The following ATRX variants were observed in gnomAD, a reference collection of about 807,000 sequenced individuals.
ATRX encodes the protein ATRX chromatin remodeler.
In ATRX, 12 loss-of-function variants were observed where a neutral mutation model predicts 172.6. The observed-to-expected ratio is 0.07, with a 90% confidence interval of 0.04 to 0.11. ATRX has a LOEUF of 0.11. Ranked by LOEUF, ATRX falls within the 10% of genes least tolerant of loss-of-function variation. ATRX has a pLI of 1.00. For synonymous variants in ATRX, 674 were observed against 594.7 expected, an observed-to-expected ratio of 1.13 and a Z score of -1.94; for missense variants, 1,368 against 1,767.4, an observed-to-expected ratio of 0.77 and a Z score of 4.05.
chrX:77,532,102 G>A (rs1436650674), intron 30 of ATRX, among the ~76,000 whole-genome samples: 2 of 111,125 alleles, frequency 1.8e-5, no homozygotes, highest in Admixed American at 9.6e-5. Context: ...TCTTCAAGGA[G>A]AACAACAAAC....
intron 19 of ATRX, among the ~76,000 whole-genome samples, chrX:77,623,173 CAAGAA>C (rs1348768946): frequency 9.0e-6 from 1 of 110,858 alleles, no homozygotes; most frequent in African/African-American, 3.3e-5. Flanking sequence ...CAAGATTAAC[CAAGAA>C]AAGAAGAGAG....
At chrX:77,669,613 C>T (rs900931531) in intron 10 of ATRX, among the ~76,000 whole-genome samples, 9 of 110,359 alleles carry the variant, frequency 8.2e-5, no homozygotes, top group Middle Eastern at 4.3e-3. Context: ...CATGAGCCAC[C>T]GCGCTGACCC....
intron 15 of ATRX, among the ~76,000 whole-genome samples, chrX:77,645,428 T>C (rs1428342699): frequency 8.9e-6 from 1 of 111,862 alleles, no homozygotes; most frequent in Non-Finnish European, 1.9e-5. Flanking sequence ...GGTGAGCTAC[T>C]GTGCCAGGCA....
At chrX:77,691,538 G>A (rs45563242) in intron 6 of ATRX, among the ~76,000 whole-genome samples, 1 of 111,372 alleles carries the variant, frequency 9.0e-6, no homozygotes, top group Admixed American at 9.6e-5. Context: ...GGAAGAGAAT[G>A]TCAAAATAGG....
At chrX:77,533,760 T>TA (rs1312668107) in intron 30 of ATRX, among the ~76,000 whole-genome samples, 2 of 111,606 alleles carry the variant, frequency 1.8e-5, no homozygotes, top group Non-Finnish European at 3.8e-5. Flanking sequence ...GCTGCACATG[T>TA]ATTCTGGAAC....
intron 16 of ATRX, among the ~76,000 whole-genome samples, chrX:77,635,493 CT>C (rs1247708798): frequency 2.7e-5 from 3 of 111,439 alleles, no homozygotes; most frequent in Non-Finnish European, 5.6e-5. Context: ...CAGAACCTCC[CT>C]TATGATTAAT....
At chrX:77,732,241 C>T (rs1266557721) in intron 1 of ATRX, among the ~76,000 whole-genome samples, 7 of 111,386 alleles carry the variant, frequency 6.3e-5, no homozygotes, top group Non-Finnish European at 1.1e-4. Context: ...GTGTCAGTGC[C>T]CCCACCAGCT....
intron 15 of ATRX, among the ~76,000 whole-genome samples, chrX:77,647,036 C>CA (rs782626218): frequency 7.2e-5 from 8 of 110,467 alleles, no homozygotes; most frequent in Non-Finnish European, 1.3e-4. Flanking sequence ...ACCATATAAT[C>CA]AGGCACAAAA....
intron 32 of ATRX, 128 bp downstream of exon 32, chrX:77,522,135 A>C: frequency 1.0e-6 from 1 of 976,972 alleles, no homozygotes; most frequent in East Asian, 3.1e-5. Context: ...ATAAAACAAA[A>C]ATTTATTCGT....
At chrX:77,521,382 G>C (rs1557041306) in intron 33 of ATRX, 21 bp downstream of exon 33, 6 of 1,166,001 alleles carry the variant, frequency 5.1e-6, no homozygotes, top group Middle Eastern at 2.4e-4. Flanking sequence ...GTTGGAATAA[G>C]ACAATTGCCA....
At chrX:77,586,842 T>G (rs1157800195) in intron 27 of ATRX, among the ~76,000 whole-genome samples, 1 of 111,261 alleles carries the variant, frequency 9.0e-6, no homozygotes, top group Non-Finnish European at 1.9e-5. Context: ...GTGGATCACT[T>G]GAGGCCAGGA....
At chrX:77,624,327 A>G (rs1199193055) in intron 19 of ATRX, among the ~76,000 whole-genome samples, 5 of 111,378 alleles carry the variant, frequency 4.5e-5, no homozygotes, top group Non-Finnish European at 9.4e-5. Context: ...AGATCGCACC[A>G]CTGCACTCCA....
chrX:77,607,169 C>A (rs2066944257), intron 22 of ATRX, among the ~76,000 whole-genome samples: 1 of 110,829 alleles, frequency 9.0e-6, no homozygotes, highest in Admixed American at 9.6e-5. Flanking sequence ...AAAGCGCATA[C>A]AAATGGGAAA....
chrX:77,654,952 G>T (rs910289223), intron 13 of ATRX, among the ~76,000 whole-genome samples: 22 of 111,574 alleles, frequency 2.0e-4, no homozygotes, highest in Non-Finnish European at 3.8e-4. Flanking sequence ...GGAACATTAA[G>T]TCTTTAAAAG....
At chrX:77,555,051 T>G (rs1272526244) in intron 30 of ATRX, among the ~76,000 whole-genome samples, 2 of 111,973 alleles carry the variant, frequency 1.8e-5, no homozygotes, top group Non-Finnish European at 3.8e-5. Flanking sequence ...GATCAGAGTG[T>G]TCATTGCCTG....
At chrX:77,572,192 T>A (rs1043884021) in intron 28 of ATRX, among the ~76,000 whole-genome samples, 2 of 111,174 alleles carry the variant, frequency 1.8e-5, no homozygotes, top group African/African-American at 6.5e-5. Context: ...ATAATATACA[T>A]GTACAGGTTG....
Position 77,634,842 on chromosome X carries a change from A to C in ATRX, c.4700-139T>G, listed in dbSNP as rs1318293330. On this transcript the variant is annotated intron_variant, in intron 16 of 34. Coordinates refer to ENST00000373344, the MANE Select transcript of ATRX (RefSeq NM_000489.6). ...CTTAGCTAAATAATTTCTTACATCT[A>C]AATGGGATTTTTTCCCACCAAACTA... The C allele has an allele frequency of 9.3e-6, 5 of 536,718 alleles. No individual in the cohort carries two copies. In the Admixed American group the frequency reaches 1.6e-4, roughly 17 times the overall value. The allele number at this position is 536,718 out of a possible 1,213,427, so 44.2% of individuals were successfully genotyped here.
At chrX:77,545,444 C>T (rs1460719022) in intron 30 of ATRX, among the ~76,000 whole-genome samples, 1 of 110,133 alleles carries the variant, frequency 9.1e-6, no homozygotes, top group Non-Finnish European at 1.9e-5. Flanking sequence ...GTTACTGAAA[C>T]AGATGAAATA....
chrX:77,749,302 T>C (rs1300296139), intron 1 of ATRX, among the ~76,000 whole-genome samples: 1 of 111,174 alleles, frequency 9.0e-6, no homozygotes, highest in Admixed American at 9.7e-5. Context: ...TGTGGCTGAA[T>C]AGTATTATTC....
Sources: gnomAD v4.1 joint callset for allele counts (sites outside exome capture counted in the v4.1 genomes callset) on GRCh38, gnomAD v4.1.1 for gene constraint, MANE v1.5 for transcripts, NCBI Gene and HGNC (gene_info 2026-07-23, HGNC 2026-07-21) for gene names.